FOXK2: variants seen among roughly 807,000 people sequenced by gnomAD.
The protein encoded by FOXK2 is forkhead box K2.
A neutral mutation model predicts 53.3 loss-of-function variants in FOXK2; 24 were observed. That is an observed-to-expected ratio of 0.45 (90% CI 0.33 to 0.63). The LOEUF (loss-of-function observed/expected upper bound fraction) is 0.63. Ranked by LOEUF, FOXK2 falls within the 30% of genes least tolerant of loss-of-function variation. The pLI, the probability that FOXK2 is intolerant of heterozygous loss-of-function variation, is 0.03. For missense variants in FOXK2, 952 were observed against 910.5 expected (o/e 1.05, Z -0.59); for synonymous variants, 505 against 407.1 (o/e 1.24, Z -2.89).
chr17:82,559,332 CG>C, intron 1 of FOXK2: 2 of 454,998 alleles, frequency 4.4e-6, no homozygotes, highest in Non-Finnish European at 8.8e-6. Flanking sequence ...GGCGACCGTG[CG>C]GACTCCACAG....
At chr17:82,533,942 G>A (rs2044496468) in intron 1 of FOXK2, among the ~76,000 whole-genome samples, 1 of 150,870 alleles carries the variant, frequency 6.6e-6, no homozygotes, top group African/African-American at 2.4e-5. Context: ...GAGGCTATAG[G>A]GAGCCGAGAT....
rs113139907 is a variant in FOXK2, at chr17:82,585,591, C to T, written c.1280-313C>T. The stretch of plus-strand genomic sequence containing the variant: ...CTGGGATTACAGGCGTGAGCCACTG[C>T]GCCCGGCCCAGTTTCCTCTTTTATT... On this transcript the variant is annotated intron_variant, in intron 6 of 8. Coordinates refer to ENST00000335255, the MANE Select transcript of FOXK2 (RefSeq NM_004514.4). 5.7e-3 allele frequency among the ~76,000 whole-genome samples: 862 copies of T among 152,252 alleles called. 9 individuals carry two copies. Among genetic ancestry groups the T allele is most frequent in the East Asian group, 0.02 (102 of 5,180 alleles).
chr17:82,596,162 C>G (rs3752822), intron 8 of FOXK2: 166,967 of 1,018,648 alleles, frequency 0.16, 13,939 homozygotes, highest in Middle Eastern at 0.23. Context: ...GAGGTGGTCA[C>G]GGGGTTTGCC....
chr17:82,519,897 G>A lies in FOXK2; in HGVS notation c.9G>A (p.Ala3=). 1.0e-6 allele frequency: 1 copy of A among 978,180 alleles called. No individual in the cohort carries two copies. The highest frequency in any genetic ancestry group is 1.2e-6 in the Non-Finnish European group (1 of 827,084). 60.6% of individuals were successfully genotyped at this position (978,180 alleles called of 1,614,324 possible). ...GGCCCTCACGCAGGCCCATGGCGGC[G>A]GCCGCGGCGGCGCTCTCGGGCGCGG... MA[A]AAAALSGAGT... Residue 3 remains alanine (A), a synonymous_variant, in exon 1 of 9, where the codon GCG becomes GCA. Transcript: ENST00000335255.
At chr17:82,533,505 A>T (rs62078097) in intron 1 of FOXK2, among the ~76,000 whole-genome samples, 7,402 of 151,866 alleles carry the variant, frequency 0.049, 205 homozygotes, top group African/African-American at 0.072. Flanking sequence ...AAAAAAGTAT[A>T]GTGCAGTGAA....
intron 8 of FOXK2, among the ~76,000 whole-genome samples, chr17:82,592,145 T>G (rs1481420322): frequency 6.6e-6 from 1 of 152,226 alleles, no homozygotes; most frequent in Non-Finnish European, 1.5e-5. Context: ...ACTCTGGTGA[T>G]CCTCTAGCCT....
At chr17:82,528,519 A>G (rs2044441020) in intron 1 of FOXK2, among the ~76,000 whole-genome samples, 1 of 152,076 alleles carries the variant, frequency 6.6e-6, no homozygotes, top group African/African-American at 2.4e-5. Context: ...ACACTTTTTC[A>G]TGAGGAATTT....
intron 2 of FOXK2, among the ~76,000 whole-genome samples, chr17:82,567,086 TC>T (rs1245962024): frequency 1.3e-5 from 2 of 152,138 alleles, no homozygotes; most frequent in Non-Finnish European, 2.9e-5. Context: ...ACAAGGCCAC[TC>T]GTGTGTTGCC....
chr17:82,523,822 A>G (rs2044390911), intron 1 of FOXK2, among the ~76,000 whole-genome samples: 1 of 152,080 alleles, frequency 6.6e-6, no homozygotes, highest in Non-Finnish European at 1.5e-5. Context: ...CAGGTTGATG[A>G]TACAAGTTCT....
At chr17:82,560,417 G>A (rs1048760821) in intron 1 of FOXK2, among the ~76,000 whole-genome samples, 8 of 152,058 alleles carry the variant, frequency 5.3e-5, no homozygotes, top group African/African-American at 1.4e-4. Flanking sequence ...GTGGGCCACC[G>A]TGCCCGGCCC....
chr17:82,558,082 C>T (rs2044751307), intron 1 of FOXK2, among the ~76,000 whole-genome samples: 1 of 152,130 alleles, frequency 6.6e-6, no homozygotes, highest in Admixed American at 6.5e-5. Context: ...CCTGTGCTTC[C>T]AGTACTTTGG....
rs765346778 is a variant in FOXK2 at position 82,571,729 on chromosome 17, T to A, written c.768T>A (p.Asp256Glu). Residue 256 changes from aspartate (D) to glutamate (E), a missense_variant, in exon 4 of 9, where the codon GAT becomes GAA. Physicochemically the swap from Asp to Glu is conservative, Grantham distance 45. This residue lies in a region of FOXK2 where 160 missense variants were observed against 214.2 expected (regional missense o/e 0.75). Transcript: ENST00000335255. ...EASGGDSPKD[D>E]SKPPYSYAQL... ...TGTTTGTTTTTTAAATACAGGATGA[T>A]TCAAAGCCGCCTTACTCCTACGCGC... 6.5e-7 allele frequency: 1 copy of A among 1,539,364 alleles called. No homozygotes were observed. Among genetic ancestry groups the A allele is most frequent in the Non-Finnish European group, 8.7e-7 (1 of 1,148,574 alleles).
At chr17:82,586,400 G>C (rs867449084) in intron 7 of FOXK2, among the ~76,000 whole-genome samples, 200 bp downstream of exon 7, 53 of 105,508 alleles carry the variant, frequency 5.0e-4, no homozygotes, top group South Asian at 1.9e-3. Flanking sequence ...TGAAAGGTGG[G>C]CGGGGGGGAA....
chr17:82,550,260 T>C (rs2044663218), intron 1 of FOXK2, among the ~76,000 whole-genome samples: 1 of 152,176 alleles, frequency 6.6e-6, no homozygotes, highest in African/African-American at 2.4e-5. Context: ...CCTGCCATAG[T>C]GTTTTTAATT....
intron 3 of FOXK2, 106 bp from the exon 4 acceptor site, chr17:82,571,617 AG>A: frequency 6.1e-6 from 7 of 1,151,360 alleles, no homozygotes; most frequent in Non-Finnish European, 8.1e-6. Flanking sequence ...AAGACAAATG[AG>A]GTATCAGAGG....
intron 8 of FOXK2, among the ~76,000 whole-genome samples, chr17:82,597,900 T>C (rs1309554184): frequency 6.6e-6 from 1 of 152,194 alleles, no homozygotes; most frequent in Non-Finnish European, 1.5e-5. Context: ...TCCGCCCACC[T>C]TGACCTCCCC....
intron 4 of FOXK2, among the ~76,000 whole-genome samples, chr17:82,572,937 A>G (rs1038159902): frequency 6.6e-6 from 1 of 152,128 alleles, no homozygotes; most frequent in African/African-American, 2.4e-5. Flanking sequence ...CATGCCTATA[A>G]TTCTAGCACT....
At chr17:82,596,944 C>T (rs541677736) in intron 8 of FOXK2, among the ~76,000 whole-genome samples, 124 of 152,328 alleles carry the variant, frequency 8.1e-4, no homozygotes, top group African/African-American at 2.5e-3. Flanking sequence ...GGTTGTCAGG[C>T]GTGGCGAGAG....
chr17:82,571,227 T>C (rs769231444), intron 3 of FOXK2, among the ~76,000 whole-genome samples: 15 of 152,230 alleles, frequency 9.9e-5, no homozygotes, highest in Non-Finnish European at 1.6e-4. Context: ...ATTTTTTCCT[T>C]ATGTAATTTT....
Sources: gnomAD v4.1 joint callset for allele counts (sites outside exome capture counted in the v4.1 genomes callset) on GRCh38, gnomAD v4.1.1 for gene constraint, gnomAD v4.1.1 regional missense constraint, MANE v1.5 for transcripts, NCBI Gene and HGNC (gene_info 2026-07-23, HGNC 2026-07-21) for gene names.